PCNX2: variants seen among roughly 807,000 people sequenced by gnomAD.
PCNX2 encodes pecanex 2.
Under a neutral mutation model 223.8 loss-of-function variants are expected in PCNX2, and 168 were observed. The ratio of observed to expected loss-of-function variants is 0.75; its 90% CI spans 0.66 to 0.85. PCNX2 has a LOEUF of 0.85. Among genes scored for constraint, PCNX2 ranks in the 40% least tolerant of loss-of-function variants. PCNX2 has a pLI of 0.00. For missense variants in PCNX2, 2,507 were observed against 2,675.5 expected, an observed-to-expected ratio of 0.94 and a Z score of 1.39; for synonymous variants, 1,006 against 1,052.6, an observed-to-expected ratio of 0.96 and a Z score of 0.86.
chr1:233,095,802 G>A lies in PCNX2; in HGVS notation c.3899C>T (p.Ala1300Val), dbSNP rs1179548472. 6.2e-7 allele frequency: 1 copy of A among 1,612,800 alleles called. No individual in the cohort carries two copies. The highest frequency in any genetic ancestry group is 8.5e-7 in the Non-Finnish European group (1 of 1,179,398). The stretch of plus-strand genomic sequence containing the variant: ...AAACACGTGAAACGAAGAACCCCAA[G>A]CCATCTGCCAAGGAGCCACATATGT... ...VLTYVAPWQM[A>V]WGSSFHVFAQ... Residue 1300 changes from alanine to valine, a missense_variant, in exon 22 of 34, where the codon GCT (alanine) becomes GTT (valine). Physicochemically the swap from Ala to Val is moderately conservative, Grantham distance 64. Around this residue, in one of 3 missense-constraint regions of PCNX2, gnomAD observed 1,372 missense variants for 1,509.4 expected, o/e 0.91. Transcript: ENST00000258229.
chr1:233,281,110 T>G (rs1572198818), intron 1 of PCNX2, among the ~76,000 whole-genome samples: 1 of 152,210 alleles, frequency 6.6e-6, no homozygotes, highest in Non-Finnish European at 1.5e-5. Context: ...TCGGAGGGGT[T>G]GATATATAGT....
rs114551561 is a variant in PCNX2, at chr1:233,171,300, T to A, written c.3273+6502A>T. ...ATCTTCCATCCAAGACCACTTTTTT[T>A]TTTTAAATCTTTTTTTTTCTCCTCA... On this transcript the variant is annotated intron_variant, in intron 17 of 33. Coordinates refer to ENST00000258229, the MANE Select transcript of PCNX2 (RefSeq NM_014801.4). Among the ~76,000 whole-genome samples, 504 of 152,258 alleles carry A rather than the reference T, an allele frequency of 3.3e-3. 4 individuals are homozygous for A. The highest frequency in any genetic ancestry group is 0.012 in the African/African-American group (492 of 41,564).
intron 33 of PCNX2, chr1:232,985,609 C>T (rs767791016): frequency 3.7e-6 from 1 of 271,426 alleles, no homozygotes; most frequent in Non-Finnish European, 6.9e-6. Flanking sequence ...TTAGAACTCT[C>T]CTTGTCTAGT....
Position 233,139,416 on chromosome 1 carries a change from G to A in PCNX2, c.3659+298C>T, listed in dbSNP as rs1558271965. On this transcript the variant is annotated intron_variant, in intron 20 of 33. Transcript: ENST00000258229. The surrounding 1 kb of genome is among the most constrained non-coding windows in gnomAD (Gnocchi z 4.4). ...ACTCCAGGAATCCTGGACTCACACT[G>A]TGCTTCCGTCTTCTTATTAAGGCTC... Among the ~76,000 whole-genome samples the A allele has an allele frequency of 6.6e-6, 1 of 152,150 alleles. No individual in the cohort carries two copies. Among genetic ancestry groups the A allele is most frequent in the African/African-American group, 2.4e-5 (1 of 41,440 alleles).
intron 23 of PCNX2, among the ~76,000 whole-genome samples, chr1:233,063,028 G>A (rs975678241): frequency 6.6e-6 from 1 of 152,184 alleles, no homozygotes; most frequent in Non-Finnish European, 1.5e-5. Context: ...TTGAGGTCAG[G>A]AGTTTCAAGA....
At chr1:232,987,800 C>A (rs1486992056) in intron 32 of PCNX2, among the ~76,000 whole-genome samples, 1 of 152,074 alleles carries the variant, frequency 6.6e-6, no homozygotes. Flanking sequence ...AGGGGCCTTT[C>A]TGCCTCCTGT....
intron 31 of PCNX2, 22 bp from the exon 32 acceptor site, chr1:232,998,460 T>C (rs763530017): frequency 1.2e-6 from 2 of 1,604,720 alleles, no homozygotes; most frequent in Non-Finnish European, 1.7e-6. Flanking sequence ...AGAAGTCCTT[T>C]GAGGATTCTC....
intron 23 of PCNX2, among the ~76,000 whole-genome samples, chr1:233,089,108 A>C (rs922094054): frequency 1.2e-4 from 19 of 152,202 alleles, no homozygotes; most frequent in Middle Eastern, 3.2e-3. Flanking sequence ...CATGAAGCCA[A>C]AGGTCTAACT....
intron 28 of PCNX2, among the ~76,000 whole-genome samples, chr1:233,012,793 C>A (rs3753422): frequency 0.41 from 62,565 of 151,994 alleles, 13,712 homozygotes; most frequent in African/African-American, 0.56. Context: ...TAGATATGAA[C>A]TGAGATAATA....
intron 21 of PCNX2, among the ~76,000 whole-genome samples, chr1:233,125,362 T>C (rs549688008): frequency 2.4e-4 from 36 of 152,322 alleles, no homozygotes; most frequent in African/African-American, 7.7e-4. Context: ...TTAGTAGCAA[T>C]AGTGTTTTGG....
intron 1 of PCNX2, among the ~76,000 whole-genome samples, chr1:233,269,472 C>A (rs12133439): frequency 0.099 from 15,056 of 152,142 alleles, 898 homozygotes; most frequent in South Asian, 0.19. Flanking sequence ...AGGCACTTCT[C>A]CAATTATTTT....
chr1:233,013,691 G>A lies in PCNX2; in HGVS notation c.4952+974C>T, dbSNP rs184556432. 7.6e-4 allele frequency among the ~76,000 whole-genome samples: 116 copies of A among 152,210 alleles called. 1 individual carries two copies. Among genetic ancestry groups the A allele is most frequent in the African/African-American group, 2.6e-3 (108 of 41,516 alleles). On this transcript the variant is annotated intron_variant, in intron 28 of 33. Transcript: ENST00000258229. ...AGTCCAAGTAGAAACAATCCCAGAC[G>A]GGCAGAGGCTAAGTAGAGGCCCCCT...
At chr1:233,206,147 C>T (rs893747160) in intron 13 of PCNX2, among the ~76,000 whole-genome samples, 1 of 152,072 alleles carries the variant, frequency 6.6e-6, no homozygotes, top group African/African-American at 2.4e-5. Context: ...TAAGAGGTGG[C>T]ACTCTATCAA....
chr1:233,320,350 C>T, the PCNX2 span, among the ~76,000 whole-genome samples: 3 of 149,908 alleles, frequency 2.0e-5, no homozygotes, highest in South Asian at 2.1e-4. Flanking sequence ...TACATACATT[C>T]GTGTGTGTGT....
intron 19 of PCNX2, among the ~76,000 whole-genome samples, chr1:233,159,470 T>C (rs1458022793): frequency 1.3e-5 from 2 of 152,200 alleles, no homozygotes; most frequent in Non-Finnish European, 2.9e-5. Context: ...GACAATTAGA[T>C]AACTCGCTAA....
chr1:233,069,964 C>A (rs548823875), intron 23 of PCNX2, among the ~76,000 whole-genome samples: 1 of 151,898 alleles, frequency 6.6e-6, no homozygotes, highest in African/African-American at 2.4e-5. Flanking sequence ...TCAATAACAT[C>A]GAAAAATCTC....
At chr1:233,310,688 C>T in the PCNX2 span, among the ~76,000 whole-genome samples, 1 of 152,120 alleles carries the variant, frequency 6.6e-6, no homozygotes, top group Non-Finnish European at 1.5e-5. Context: ...AAAGGAATAC[C>T]TGAGGCTGGG....
At position 233,251,797 on chromosome 1, in the gene PCNX2, A is replaced by T. The variant is rs150150631; in HGVS notation, c.2128+557T>A. On this transcript the variant is annotated intron_variant, in intron 7 of 33. Transcript: ENST00000258229. The stretch of plus-strand genomic sequence containing the variant: ...ATAAGCCAAGACCCATCCCAGAAAA[A>T]CTAGGACCTATATCCCTTATCCGTT... Among the ~76,000 whole-genome samples, 31 of 152,348 alleles carry T rather than the reference A, an allele frequency of 2.0e-4. No individual in the cohort carries two copies. The East Asian group carries it at 3.5e-3, about 17-fold the overall frequency.
intron 4 of PCNX2, among the ~76,000 whole-genome samples, chr1:233,260,490 T>A (rs1659989458): frequency 6.6e-6 from 1 of 152,140 alleles, no homozygotes; most frequent in African/African-American, 2.4e-5. Context: ...GCAACTAAAA[T>A]ATTAGAAGTC....
Sources: allele counts gnomAD v4.1 joint callset (sites outside exome capture counted in the v4.1 genomes callset), GRCh38; gene constraint gnomAD v4.1.1; regional missense constraint gnomAD v4.1.1; non-coding constraint Gnocchi (gnomAD v3.1); transcripts MANE v1.5; gene names NCBI Gene and HGNC (gene_info 2026-07-23, HGNC 2026-07-21).